TBC1D15: variants seen among roughly 807,000 people sequenced by gnomAD.
TBC1D15 encodes the protein TBC1 domain family member 15.
In TBC1D15, 39 loss-of-function variants were observed where a neutral mutation model predicts 95.4. The observed-to-expected ratio is 0.41, with a 90% CI of 0.32 to 0.53. The LOEUF is 0.53. Ranked by LOEUF, TBC1D15 falls within the 20% of genes least tolerant of loss-of-function variation. The probability of loss-of-function intolerance (pLI) is 0.29; values close to 1 mark genes in which losing one functional copy is unlikely to be tolerated. For missense variants in TBC1D15, 733 were observed against 794.3 expected (o/e 0.92, Z 0.93); for synonymous variants, 258 against 261.3 (o/e 0.99, Z 0.12).
chr12:71,857,587 C>G (rs1889381302), intron 1 of TBC1D15, among the ~76,000 whole-genome samples: 3 of 152,000 alleles, frequency 2.0e-5, no homozygotes, highest in Non-Finnish European at 2.9e-5. Flanking sequence ...TTTTAATTGG[C>G]ACATAATAAT....
At chr12:71,894,478 T>G (rs1897799667) in intron 6 of TBC1D15, 1 of 1,340,022 alleles carries the variant, frequency 7.5e-7, no homozygotes, top group Non-Finnish European at 1.1e-6. Flanking sequence ...TCATTTATTA[T>G]GCTATTTTAA....
chr12:71,896,711 A>C lies in TBC1D15; in HGVS notation c.1019A>C (p.Lys340Thr). The C allele has an allele frequency of 6.2e-7, 1 of 1,613,050 alleles. No homozygotes were observed. The highest frequency in any genetic ancestry group is 8.5e-7 in the Non-Finnish European group (1 of 1,179,380). Reference protein sequence around the residue: ...LSHALRKQAWKFLLGYFPWDS... With the variant: ...LSHALRKQAWTFLLGYFPWDS... ...CATGCATTGAGAAAGCAAGCATGGA[A>C]ATTTCTTCTGGGTTATTTTCCCTGG... Residue 340 changes from lysine (K) to threonine (T), a missense_variant, in exon 9 of 17, where the codon AAA becomes ACA. Transcript: ENST00000485960.
At chr12:71,879,452 TTTAATG>T (rs1351731572) in intron 3 of TBC1D15, among the ~76,000 whole-genome samples, 2 of 152,108 alleles carry the variant, frequency 1.3e-5, no homozygotes, top group Non-Finnish European at 2.9e-5. Context: ...CCTGTCTCTG[TTTAATG>T]TATATCTTTC....
intron 11 of TBC1D15, among the ~76,000 whole-genome samples, chr12:71,910,819 C>T (rs976203518): frequency 6.6e-6 from 1 of 152,116 alleles, no homozygotes; most frequent in South Asian, 2.1e-4. Context: ...AGGAAACTAC[C>T]ATCAGAGTGA....
intron 1 of TBC1D15, among the ~76,000 whole-genome samples, chr12:71,869,971 ACT>A (rs879438264): frequency 6.6e-6 from 1 of 152,030 alleles, no homozygotes; most frequent in Non-Finnish European, 1.5e-5. Flanking sequence ...TTCTCATCCT[ACT>A]CTCCTGAAGT....
rs763334828 is a variant in TBC1D15 at position 71,872,928 on chromosome 12, G to A, written c.130-1G>A. On this transcript the variant is annotated splice_acceptor_variant, in intron 2 of 16. Transcript: ENST00000485960. LOFTEE classifies it high-confidence loss of function. Reference sequence around the variant, plus strand: ...ATATAGTTCATAATTTCTTTCTCTAGGATGCCGAAGTAATAGTGGACTGGA... The same window carrying A: ...ATATAGTTCATAATTTCTTTCTCTAAGATGCCGAAGTAATAGTGGACTGGA... 6.3e-7 allele frequency: 1 copy of A among 1,598,788 alleles called. No individual in the cohort carries two copies. The highest frequency in any genetic ancestry group is 8.5e-7 in the Non-Finnish European group (1 of 1,172,568).
chr12:71,878,058 C>T (rs553979761), intron 3 of TBC1D15, among the ~76,000 whole-genome samples: 4 of 152,220 alleles, frequency 2.6e-5, no homozygotes, highest in African/African-American at 9.6e-5. Context: ...TCAAAGTTCA[C>T]GTCTTTTTGG....
chr12:71,882,191 T>G (rs1895330222), intron 4 of TBC1D15, among the ~76,000 whole-genome samples: 1 of 152,162 alleles, frequency 6.6e-6, no homozygotes, highest in Non-Finnish European at 1.5e-5. Flanking sequence ...CTTTAAAAAT[T>G]GACTATCAGA....
Position 71,878,709 on chromosome 12 carries a change from G to T in TBC1D15, c.205-1760G>T, listed in dbSNP as rs1192160521. On this transcript the variant is annotated intron_variant, in intron 3 of 16. Coordinates refer to ENST00000485960, the MANE Select transcript of TBC1D15 (RefSeq NM_001146213.3). The stretch of plus-strand genomic sequence containing the variant: ...TTTTGTATTTTTAGTAGAGACGGGG[G>T]TTTTGCCATGTTGTCCAGGCTTGTC... 2.6e-5 allele frequency among the ~76,000 whole-genome samples: 4 copies of T among 151,006 alleles called. No individual in the cohort carries two copies. The East Asian group carries it at 7.8e-4, about 29-fold the overall frequency.
chr12:71,922,348 G>A (rs1869729489), intron 16 of TBC1D15, among the ~76,000 whole-genome samples: 1 of 151,932 alleles, frequency 6.6e-6, no homozygotes, highest in Non-Finnish European at 1.5e-5. Flanking sequence ...GCCTCACAAA[G>A]TGCTGGGATT....
In TBC1D15 at chr12:71,918,454, C is replaced by G. The variant is rs1218929185; in HGVS notation, c.1505C>G (p.Ser502Cys). Reference protein sequence around the residue: ...LDSGFCSYLESQDSGYLYFCF... With the variant: ...LDSGFCSYLECQDSGYLYFCF... ...TGTGTTTTTTTCTTCTGCATAGAATCTCAGGACTCTGGATACCTTTATTTT... is the reference window on the plus strand; with the variant it reads ...TGTGTTTTTTTCTTCTGCATAGAATGTCAGGACTCTGGATACCTTTATTTT... Residue 502 changes from serine to cysteine, a missense_variant, in exon 14 of 17, where the codon TCT (serine) becomes TGT (cysteine). Coordinates refer to ENST00000485960, the MANE Select transcript of TBC1D15 (RefSeq NM_001146213.3). 2 of 1,593,354 alleles carry G rather than the reference C, an allele frequency of 1.3e-6. No homozygotes were observed. The highest frequency in any genetic ancestry group is 3.5e-5 in the Admixed American group (2 of 57,134).
At chr12:71,841,483 C>A (rs578124246) in intron 1 of TBC1D15, among the ~76,000 whole-genome samples, 1 of 152,290 alleles carries the variant, frequency 6.6e-6, no homozygotes, top group East Asian at 1.9e-4. Context: ...TCATGACCAA[C>A]AAAACCCACT....
chr12:71,872,208 T>C, intron 2 of TBC1D15, 40 bp downstream of exon 2: 2 of 1,180,022 alleles, frequency 1.7e-6, no homozygotes, highest in South Asian at 1.5e-5. Flanking sequence ...TAATAGTTTA[T>C]GGTAGTGATT....
intron 5 of TBC1D15, among the ~76,000 whole-genome samples, chr12:71,886,326 G>A (rs957528247): frequency 6.6e-6 from 1 of 152,084 alleles, no homozygotes; most frequent in South Asian, 2.1e-4. Flanking sequence ...GCGCCACCAC[G>A]GTTGGCTAAT....
At chr12:71,913,399 A>C (rs1395405683) in intron 11 of TBC1D15, 1 of 153,666 alleles carries the variant, frequency 6.5e-6, no homozygotes, top group Non-Finnish European at 1.4e-5. Context: ...TAATTTTTGC[A>C]ACATTATTCT....
intron 1 of TBC1D15, among the ~76,000 whole-genome samples, chr12:71,870,567 C>T (rs767854247): frequency 4.6e-5 from 7 of 152,166 alleles, no homozygotes; most frequent in East Asian, 1.9e-4. Context: ...ATAACACATC[C>T]GAGAGAGGCA....
intron 2 of TBC1D15, among the ~76,000 whole-genome samples, chr12:71,872,637 C>CA (rs1334429498): frequency 2.0e-5 from 3 of 152,138 alleles, no homozygotes; most frequent in Non-Finnish European, 4.4e-5. Flanking sequence ...CATCCTATTA[C>CA]AAAAAAATCC....
At chr12:71,920,496 A>G (rs1433667084) in intron 14 of TBC1D15, among the ~76,000 whole-genome samples, 1 of 152,160 alleles carries the variant, frequency 6.6e-6, no homozygotes. Flanking sequence ...TACTATAGTT[A>G]CCTTAAAGAG....
At chr12:71,843,152 A>C (rs1885483708) in intron 1 of TBC1D15, among the ~76,000 whole-genome samples, 1 of 152,054 alleles carries the variant, frequency 6.6e-6, no homozygotes, top group African/African-American at 2.4e-5. Context: ...ATGGTGGTAC[A>C]CGCCTGTAGT....
Sources: allele counts gnomAD v4.1 joint callset (sites outside exome capture counted in the v4.1 genomes callset), GRCh38; gene constraint gnomAD v4.1.1; transcripts MANE v1.5; gene names NCBI Gene and HGNC (gene_info 2026-07-23, HGNC 2026-07-21).